GYS1: variants seen among roughly 807,000 people sequenced by gnomAD.
The protein encoded by GYS1 is glycogen [starch] synthase, muscle.
Under a neutral mutation model 89.1 loss-of-function variants are expected in GYS1, and 60 were observed. The ratio of observed to expected loss-of-function variants is 0.67; its 90% confidence interval spans 0.55 to 0.84. The LOEUF (loss-of-function observed/expected upper bound fraction) is 0.84. GYS1 is among the 40% of genes least tolerant of loss of function. The pLI, the probability that GYS1 is intolerant of heterozygous loss-of-function variation, is 0.00. For synonymous variants in GYS1, 366 were observed against 401.7 expected, an observed-to-expected ratio of 0.91 and a Z score of 1.06; for missense variants, 888 against 1,003.1, an observed-to-expected ratio of 0.89 and a Z score of 1.55.
Position 48,969,349 on chromosome 19 carries a change from G to A in GYS1, c.2153C>T (p.Ser718Leu). Residue 718 changes from serine (S) to leucine (L), a missense_variant, in exon 16 of 16, where the codon TCA becomes TTA. Ser to Leu is a moderately radical substitution (Grantham distance 145). Transcript: ENST00000323798. ...GAGGGGCTCGCTCGGGGTGCTGAGT[G>A]AGCTGGAGGTGGCCGTGTCCACAGA... ...RNSVDTATSS[S>L]LSTPSEPLSP... The A allele has an allele frequency of 6.3e-7, 1 of 1,586,064 alleles. No individual in the cohort carries two copies. Among genetic ancestry groups the A allele is most frequent in the African/African-American group, 1.3e-5 (1 of 74,494 alleles).
At chr19:48,976,081 T>G (rs2038645183) in intron 10 of GYS1, among the ~76,000 whole-genome samples, 1 of 151,970 alleles carries the variant, frequency 6.6e-6, no homozygotes, top group African/African-American at 2.4e-5. Context: ...TGTTCCATCA[T>G]AGCTCATTAA....
chr19:48,987,108 G>T, intron 3 of GYS1, 86 bp downstream of exon 3: 2 of 939,066 alleles, frequency 2.1e-6, no homozygotes, highest in Non-Finnish European at 1.7e-6. Flanking sequence ...CTCCCAGAAT[G>T]CCCAGGGAGA....
At chr19:48,976,925 A>G (rs560650332) in intron 10 of GYS1, among the ~76,000 whole-genome samples, 2 of 152,056 alleles carry the variant, frequency 1.3e-5, no homozygotes, top group Non-Finnish European at 2.9e-5. Flanking sequence ...GGTAGCTGGG[A>G]TAACAGGTGT....
chr19:48,986,147 C>T, intron 3 of GYS1, 112 bp from the exon 4 acceptor site: 1 of 922,254 alleles, frequency 1.1e-6, no homozygotes, highest in Non-Finnish European at 1.7e-6. Flanking sequence ...CACTACTGCA[C>T]AGAGTGGGCA....
chr19:48,974,795 A>T (rs1354737837), intron 10 of GYS1, 62 bp from the exon 11 acceptor site: 13 of 1,196,704 alleles, frequency 1.1e-5, no homozygotes, highest in Non-Finnish European at 3.7e-6. Context: ...CTACTTCCTC[A>T]TGAGCCATGC....
chr19:48,971,442 C>G (rs2038564637), intron 12 of GYS1, among the ~76,000 whole-genome samples: 1 of 151,942 alleles, frequency 6.6e-6, no homozygotes, highest in Non-Finnish European at 1.5e-5. Context: ...GATAAGGTCT[C>G]TCATTATTAG....
intron 14 of GYS1, chr19:48,970,178 C>T: frequency 2.1e-6 from 1 of 474,816 alleles, no homozygotes; most frequent in Non-Finnish European, 3.8e-6. Flanking sequence ...GGATGGAGTG[C>T]AGTGGGTTTG....
At chr19:48,983,614 G>A (rs545131124) in intron 5 of GYS1, among the ~76,000 whole-genome samples, 121 of 152,164 alleles carry the variant, frequency 8.0e-4, no homozygotes, top group African/African-American at 2.7e-3. Flanking sequence ...CCCCATCAGC[G>A]CCTAGGGCAA....
chr19:48,988,327 C>G (rs1263603640), intron 2 of GYS1, among the ~76,000 whole-genome samples: 9 of 152,166 alleles, frequency 5.9e-5, no homozygotes, highest in Admixed American at 5.9e-4. Flanking sequence ...CTAATTCCTT[C>G]CACGGGATGC....
chr19:48,982,237 T>C lies in GYS1; in HGVS notation c.1062+18A>G. ...TGCTTTGCTTGCCCTCCCTGTCCCC[T>C]CATAGCCCAGGCCTCACTCTGAGCA... On this transcript the variant is annotated intron_variant, in intron 7 of 15. Coordinates refer to ENST00000323798, the MANE Select transcript of GYS1 (RefSeq NM_002103.5). The C allele has an allele frequency of 1.2e-6, 2 of 1,612,752 alleles. No individual in the cohort carries two copies. The highest frequency in any genetic ancestry group is 1.7e-6 in the Non-Finnish European group (2 of 1,179,180).
At position 48,991,234 on chromosome 19, in the gene GYS1, C is replaced by T. The variant is rs1365096497; in HGVS notation, c.300+68G>A. On this transcript the variant is annotated intron_variant, in intron 2 of 15. Transcript: ENST00000323798. The surrounding 1 kb of genome is among the most constrained non-coding windows in gnomAD (Gnocchi z 4.7). ...GGGGCTGTCCACCCTGCACCCTCTC[C>T]GTCTGTGGCTCCCACCCCGATGGCA... 9 of 1,538,702 alleles carry T rather than the reference C, an allele frequency of 5.8e-6. No individual in the cohort carries two copies. The highest frequency in any genetic ancestry group is 4.5e-5 in the East Asian group (2 of 44,554).
intron 11 of GYS1, 125 bp from the exon 12 acceptor site, chr19:48,974,464 T>C: frequency 8.3e-7 from 1 of 1,203,886 alleles, no homozygotes; most frequent in Non-Finnish European, 1.2e-6. Context: ...GCAGGACCAA[T>C]GTTCAAACCC....
intron 11 of GYS1, 40 bp downstream of exon 11, chr19:48,974,580 C>T (rs1402355879): frequency 7.2e-7 from 1 of 1,391,300 alleles, no homozygotes; most frequent in Admixed American, 1.7e-5. Context: ...AACCCCTTCC[C>T]TCTGCCGTGC....
At chr19:48,987,859 G>T (rs1276840009) in intron 2 of GYS1, among the ~76,000 whole-genome samples, 2 of 151,816 alleles carry the variant, frequency 1.3e-5, no homozygotes, top group East Asian at 3.9e-4. Context: ...GGAGTGCCGT[G>T]GCATGATCTC....
Position 48,974,614 on chromosome 19 carries a change from C to T in GYS1, c.1422+6G>A, listed in dbSNP as rs1472277292. The T allele has an allele frequency of 6.2e-7, 1 of 1,605,182 alleles. No individual in the cohort carries two copies. The highest frequency in any genetic ancestry group is 1.1e-5 in the South Asian group (1 of 90,920). ...GCCCAACCCAGCCCTGACCAAATGC[C>T]CTCACCTTCACCCTGTCGGCACTGC... On this transcript the variant is annotated splice_donor_region_variant and intron_variant, in intron 11 of 15. Transcript: ENST00000323798.
intron 2 of GYS1, among the ~76,000 whole-genome samples, chr19:48,987,977 T>G (rs1296774959): frequency 2.6e-5 from 4 of 152,168 alleles, no homozygotes; most frequent in East Asian, 3.8e-4. Flanking sequence ...CTTTTTTTTG[T>G]ATTTTCAGTA....
rs1183866375 is a variant in GYS1 at position 48,991,518 on chromosome 19, C to A, written c.119-35G>T. The A allele has an allele frequency of 6.6e-7, 1 of 1,522,618 alleles. No homozygotes were observed. Among genetic ancestry groups the A allele is most frequent in the Non-Finnish European group, 8.9e-7 (1 of 1,117,802 alleles). The allele number at this position is 1,522,618 out of a possible 1,614,324, so 94.3% of individuals were successfully genotyped here. On this transcript the variant is annotated intron_variant, in intron 1 of 15. Transcript: ENST00000323798. The surrounding 1 kb of genome is among the most constrained non-coding windows in gnomAD (Gnocchi z 4.7). Reference sequence around the variant, plus strand: ...CAAGCGTGTGAGGGCAGGCCCCGGCCGAGGTCCATAGTTCTGGGGCCTGGG... The same window carrying A: ...CAAGCGTGTGAGGGCAGGCCCCGGCAGAGGTCCATAGTTCTGGGGCCTGGG...
Position 48,982,344 on chromosome 19 carries a change from A to G in GYS1, c.973T>C (p.Tyr325His), listed in dbSNP as rs2038778846. The G allele has an allele frequency of 6.2e-7, 1 of 1,613,782 alleles. No homozygotes were observed. Among genetic ancestry groups the G allele is most frequent in the Non-Finnish European group, 8.5e-7 (1 of 1,179,902 alleles). The change falls in exon 7 of 16, where the codon TAC becomes CAC. Residue 325 changes from tyrosine (Y) to histidine (H), a missense_variant. Coordinates refer to ENST00000323798, the MANE Select transcript of GYS1 (RefSeq NM_002103.5). ...TCATAGCGGCCGGCGATAAAGAAGT[A>G]TAAGGTCTTGTCCAAGTTGAAGTCC... ...HLDFNLDKTL[Y>H]FFIAGRYEFS...
chr19:48,992,884 C>A, intron 1 of GYS1, 111 bp downstream of exon 1: 1 of 755,124 alleles, frequency 1.3e-6, no homozygotes, highest in Non-Finnish European at 2.4e-6. Context: ...AGCCTCCTTG[C>A]CCAGGTCACA....
Sources: allele counts gnomAD v4.1 joint callset (sites outside exome capture counted in the v4.1 genomes callset), GRCh38; gene constraint gnomAD v4.1.1; non-coding constraint Gnocchi (gnomAD v3.1); transcripts MANE v1.5; gene names NCBI Gene and HGNC (gene_info 2026-07-23, HGNC 2026-07-21).